CACNA2D1: variants seen among roughly 807,000 people sequenced by gnomAD.
CACNA2D1 encodes the protein voltage-dependent calcium channel subunit alpha-2/delta-1.
A neutral mutation model predicts 171.5 loss-of-function variants in CACNA2D1; 53 were observed. The ratio of observed to expected loss-of-function variants is 0.31; its 90% CI spans 0.25 to 0.39. The LOEUF (loss-of-function observed/expected upper bound fraction) is 0.39, where lower values mean the gene tolerates loss of function less well. CACNA2D1 is among the 10% of genes least tolerant of loss of function. CACNA2D1 has a pLI of 1.00. For synonymous variants in CACNA2D1, 442 were observed against 443.1 expected (o/e 1.00, Z 0.03); for missense variants, 903 against 1,299.8 (o/e 0.69, Z 4.69).
chr7:82,134,461 C>T (rs1005294697), intron 5 of CACNA2D1, among the ~76,000 whole-genome samples: 6 of 152,080 alleles, frequency 3.9e-5, no homozygotes, highest in South Asian at 4.1e-4. Context: ...TCAGTTTGCA[C>T]GAAACAACAC....
chr7:82,411,132 AT>A (rs1313714061), intron 1 of CACNA2D1, among the ~76,000 whole-genome samples: 1 of 152,196 alleles, frequency 6.6e-6, no homozygotes, highest in Non-Finnish European at 1.5e-5. Context: ...AAGTGAAAGT[AT>A]GAACTTGTTA....
At chr7:82,125,544 T>C (rs551610373) in intron 5 of CACNA2D1, among the ~76,000 whole-genome samples, 17 of 152,248 alleles carry the variant, frequency 1.1e-4, no homozygotes, top group South Asian at 6.2e-4. Context: ...AGCTTTTTTT[T>C]CCCCTCAGTT....
chr7:81,995,781 A>G (rs1797979250), intron 19 of CACNA2D1, among the ~76,000 whole-genome samples: 2 of 142,606 alleles, frequency 1.4e-5, no homozygotes, highest in Non-Finnish European at 1.5e-5. Flanking sequence ...CCTGGGCGAC[A>G]GAGCGAGACT....
intron 3 of CACNA2D1, among the ~76,000 whole-genome samples, chr7:82,234,266 T>C (rs1224020703): frequency 6.6e-6 from 1 of 152,118 alleles, no homozygotes; most frequent in Non-Finnish European, 1.5e-5. Context: ...CAAAAGCACA[T>C]ACATAATATA....
At position 81,975,022 on chromosome 7, in the gene CACNA2D1, T is replaced by TA. The variant is rs199527878; in HGVS notation, c.1956-471dup. On this transcript the variant is annotated intron_variant, in intron 24 of 38. Transcript: ENST00000356860. ...CGTTCTGCACATGTATCCCTGAACTTAAAATAAAAAAAAAATTGCCTGGAG... is the reference window on the plus strand; with the variant it reads ...CGTTCTGCACATGTATCCCTGAACTTAAAAATAAAAAAAAAATTGCCTGGAG... Among the ~76,000 whole-genome samples, 1,196 of 150,468 alleles carry TA rather than the reference T, an allele frequency of 7.9e-3. 19 individuals carry two copies. The East Asian group carries it at 0.091, about 11-fold the overall frequency.
chr7:82,361,753 G>A (rs573707020), intron 1 of CACNA2D1, among the ~76,000 whole-genome samples: 7 of 152,124 alleles, frequency 4.6e-5, no homozygotes, highest in African/African-American at 1.7e-4. Flanking sequence ...TATTGGAGAA[G>A]GCTTTTTTAA....
chr7:81,948,397 GT>G lies in CACNA2D1; in HGVS notation c.*1994del, dbSNP rs1346374854. 8 of 151,584 alleles carry G rather than the reference GT, an allele frequency of 5.3e-5. No individual in the cohort carries two copies. Among genetic ancestry groups the G allele is most frequent in the Admixed American group, 3.3e-4 (5 of 15,188 alleles). The allele number at this position is 151,584 out of a possible 1,614,324, so 9.4% of individuals were successfully genotyped here. On this transcript the variant is annotated 3_prime_UTR_variant, in exon 39 of 39. Transcript: ENST00000356860. The stretch of plus-strand genomic sequence containing the variant: ...AAATCACAACAATGCATTAGAAATG[GT>G]AACTGATGTCAACTCTTAGAACAAT...
intron 3 of CACNA2D1, among the ~76,000 whole-genome samples, chr7:82,276,485 T>C (rs1563296605): frequency 6.6e-6 from 1 of 152,092 alleles, no homozygotes; most frequent in Non-Finnish European, 1.5e-5. Context: ...GGGGCAGAAA[T>C]AGTAGCTCCA....
intron 23 of CACNA2D1, chr7:81,982,852 A>T (rs1172196324): frequency 1.7e-6 from 1 of 599,868 alleles, no homozygotes; most frequent in Non-Finnish European, 2.9e-6. Flanking sequence ...CCCCACAGTT[A>T]TTTCAAAGAA....
At chr7:82,317,119 T>C (rs1199937816) in intron 3 of CACNA2D1, among the ~76,000 whole-genome samples, 1 of 152,230 alleles carries the variant, frequency 6.6e-6, no homozygotes, top group African/African-American at 2.4e-5. Flanking sequence ...AAACATTAAC[T>C]ATACCATACA....
rs539761507 is a variant in CACNA2D1, at chr7:82,020,377, GTTACT to G, written c.1144-5903_1144-5899del. Among the ~76,000 whole-genome samples, 471 of 152,266 alleles carry G rather than the reference GTTACT, an allele frequency of 3.1e-3. 1 individual carries two copies. Among genetic ancestry groups the G allele is most frequent in the Middle Eastern group, 0.014 (4 of 294 alleles). ...TTAGTAGCCACATGACTTTCAGCAAGTTACTTTACTTTTCTGATTTTGCTTTTCTT... is the reference window on the plus strand; with the variant it reads ...TTAGTAGCCACATGACTTTCAGCAAGTTACTTTTCTGATTTTGCTTTTCTT... On this transcript the variant is annotated intron_variant, in intron 12 of 38. Coordinates refer to ENST00000356860, the MANE Select transcript of CACNA2D1 (RefSeq NM_000722.4).
intron 20 of CACNA2D1, among the ~76,000 whole-genome samples, chr7:81,993,839 A>G (rs1306987271): frequency 6.6e-6 from 1 of 152,118 alleles, no homozygotes; most frequent in Admixed American, 6.5e-5. Flanking sequence ...CAATAAATTG[A>G]AGGAAGAAAA....
intron 31 of CACNA2D1, among the ~76,000 whole-genome samples, chr7:81,966,208 T>TAAA: frequency 8.7e-6 from 1 of 115,234 alleles, no homozygotes; most frequent in Admixed American, 8.9e-5. Flanking sequence ...TGGTTAATAC[T>TAAA]TACTTCACCC....
At chr7:82,270,597 G>T (rs2129349260) in intron 3 of CACNA2D1, among the ~76,000 whole-genome samples, 1 of 152,246 alleles carries the variant, frequency 6.6e-6, no homozygotes, top group East Asian at 1.9e-4. Flanking sequence ...CCTAGAAATT[G>T]CTGGATTGTA....
chr7:82,008,026 A>C (rs2130887892), intron 15 of CACNA2D1, among the ~76,000 whole-genome samples: 1 of 152,264 alleles, frequency 6.6e-6, no homozygotes, highest in South Asian at 2.1e-4. Flanking sequence ...ATCAGCTTAC[A>C]CAAATAGTCA....
chr7:82,030,274 A>T (rs534839912), intron 12 of CACNA2D1, among the ~76,000 whole-genome samples: 1 of 151,888 alleles, frequency 6.6e-6, no homozygotes, highest in Admixed American at 6.6e-5. Flanking sequence ...TTGTGAAAAT[A>T]GTGGATGGAA....
At chr7:81,975,977 T>C (rs1373593950) in intron 24 of CACNA2D1, among the ~76,000 whole-genome samples, 2 of 129,456 alleles carry the variant, frequency 1.5e-5, no homozygotes, top group Admixed American at 8.4e-5. Context: ...ATTTGTTCTT[T>C]CAAGTAATGT....
chr7:82,003,874 T>C (rs1360170936), intron 18 of CACNA2D1, among the ~76,000 whole-genome samples: 1 of 151,604 alleles, frequency 6.6e-6, no homozygotes, highest in Non-Finnish European at 1.5e-5. Context: ...GCCTCCCAAA[T>C]AGCTGGGATT....
intron 6 of CACNA2D1, 102 bp downstream of exon 6, chr7:82,116,942 A>G: frequency 2.3e-6 from 3 of 1,290,882 alleles, no homozygotes; most frequent in Non-Finnish European, 3.4e-6. Flanking sequence ...ATGACAAACA[A>G]AACAATGTCA....
Sources: allele counts gnomAD v4.1 joint callset (sites outside exome capture counted in the v4.1 genomes callset), GRCh38; gene constraint gnomAD v4.1.1; transcripts MANE v1.5; gene names NCBI Gene and HGNC (gene_info 2026-07-23, HGNC 2026-07-21).